Variants in MTUS2 observed in about 807,000 individuals in gnomAD.
The protein encoded by MTUS2 is microtubule-associated tumor suppressor candidate 2.
A neutral mutation model predicts 114.1 loss-of-function variants in MTUS2; 40 were observed. The observed-to-expected ratio is 0.35, with a 90% confidence interval of 0.27 to 0.46. The LOEUF (loss-of-function observed/expected upper bound fraction) is 0.46, where lower values mean the gene tolerates loss of function less well. MTUS2 is among the 20% of genes least tolerant of loss of function. The pLI, the probability that MTUS2 is intolerant of heterozygous loss-of-function variation, is 1.00. For missense variants in MTUS2, 1,679 were observed against 1,705.4 expected, an observed-to-expected ratio of 0.98 and a Z score of 0.27; for synonymous variants, 688 against 672.0, an observed-to-expected ratio of 1.02 and a Z score of -0.37.
intron 4 of MTUS2, among the ~76,000 whole-genome samples, chr13:29,045,094 T>A (rs531828093): frequency 6.6e-6 from 1 of 152,314 alleles, no homozygotes; most frequent in South Asian, 2.1e-4. Flanking sequence ...TTAATAAACT[T>A]ACTTTATTAG....
At chr13:29,491,528 G>A (rs576892824) in intron 11 of MTUS2, among the ~76,000 whole-genome samples, 9 of 135,192 alleles carry the variant, frequency 6.7e-5, no homozygotes, top group Non-Finnish European at 1.3e-4. Context: ...CATGATGTGT[G>A]TGGTATGTGT....
chr13:28,926,735 A>G lies in MTUS2; in HGVS notation c.-243+86885A>G, dbSNP rs1432818430. On this transcript the variant is annotated intron_variant, in intron 2 of 15. Transcript: ENST00000612955. ...AGAGTAGTTTATCAATCATCTTTTCATTATTAGAAAATTTTCCCATAAATC... is the reference window on the plus strand; with the variant it reads ...AGAGTAGTTTATCAATCATCTTTTCGTTATTAGAAAATTTTCCCATAAATC... Among the ~76,000 whole-genome samples, 4 of 152,306 alleles carry G rather than the reference A, an allele frequency of 2.6e-5. 1 individual carries two copies. In the South Asian group the frequency reaches 6.2e-4, roughly 24 times the overall value.
At chr13:29,410,977 A>T (rs1029043409) in intron 8 of MTUS2, among the ~76,000 whole-genome samples, 14 of 152,236 alleles carry the variant, frequency 9.2e-5, no homozygotes, top group Admixed American at 7.2e-4. Context: ...AGTTACAGGC[A>T]CATGCCACCA....
intron 5 of MTUS2, among the ~76,000 whole-genome samples, chr13:29,234,419 C>T (rs1286035893): frequency 6.6e-6 from 1 of 152,186 alleles, no homozygotes; most frequent in Non-Finnish European, 1.5e-5. Flanking sequence ...ACCTATCCAA[C>T]AGGTCATTCT....
At chr13:29,372,632 CTA>C (rs1197716898) in intron 8 of MTUS2, among the ~76,000 whole-genome samples, 2 of 152,296 alleles carry the variant, frequency 1.3e-5, no homozygotes, top group East Asian at 3.9e-4. Context: ...CCACAAGCTG[CTA>C]TGTTTCCCTC....
chr13:28,828,330 G>A (rs1234615127), intron 1 of MTUS2, among the ~76,000 whole-genome samples: 1 of 152,006 alleles, frequency 6.6e-6, no homozygotes, highest in Non-Finnish European at 1.5e-5. Context: ...ATTTCATATT[G>A]TTTAAACAAT....
chr13:29,389,627 G>GCA (rs1429219276), intron 8 of MTUS2, among the ~76,000 whole-genome samples: 1 of 41,576 alleles, frequency 2.4e-5, no homozygotes, highest in Non-Finnish European at 9.4e-5. Flanking sequence ...GTGTATATAT[G>GCA]TATACACATA....
rs1034514024 is a variant in MTUS2, at chr13:29,133,036, T to C, written c.2644+32066T>C. On this transcript the variant is annotated intron_variant, in intron 5 of 15. Transcript: ENST00000612955. ...ACAACACTTGTTATTTTGTGTTTTT[T>C]TTTTTCTTAATAGTAGCCATACTAA... Among the ~76,000 whole-genome samples the C allele has an allele frequency of 2.6e-5, 4 of 152,120 alleles. No individual in the cohort carries two copies. In the South Asian group the frequency reaches 8.3e-4, roughly 31 times the overall value.
intron 2 of MTUS2, among the ~76,000 whole-genome samples, chr13:28,846,460 A>G (rs546174973): frequency 2.0e-5 from 3 of 152,364 alleles, no homozygotes; most frequent in South Asian, 2.1e-4. Context: ...CAGTCCATCA[A>G]GTCAAAAGCT....
intron 2 of MTUS2, among the ~76,000 whole-genome samples, chr13:28,935,006 G>GTTTTTTTTTTTTTT (rs775863792): frequency 4.8e-5 from 2 of 41,448 alleles, no homozygotes; most frequent in African/African-American, 2.5e-4. Context: ...TCTCCATAGC[G>GTTTTTTTTTTTTTT]TTTTTTTTTT....
At chr13:29,258,923 C>A (rs984016233) in intron 5 of MTUS2, among the ~76,000 whole-genome samples, 14 of 152,188 alleles carry the variant, frequency 9.2e-5, no homozygotes, top group African/African-American at 2.9e-4. Flanking sequence ...TCTCAGAATT[C>A]TCTGCCCTTC....
intron 4 of MTUS2, among the ~76,000 whole-genome samples, chr13:29,085,196 T>C (rs1308309811): frequency 1.3e-5 from 2 of 152,216 alleles, no homozygotes; most frequent in African/African-American, 4.8e-5. Context: ...CAGAGGGTGA[T>C]ACCATGTTTC....
chr13:29,348,540 G>T (rs1381327827), intron 7 of MTUS2, among the ~76,000 whole-genome samples: 9 of 152,294 alleles, frequency 5.9e-5, no homozygotes, highest in Admixed American at 3.3e-4. Flanking sequence ...CTCTGCTGTT[G>T]TTATGTGGAA....
intron 9 of MTUS2, among the ~76,000 whole-genome samples, chr13:29,466,952 T>C (rs974303073): frequency 6.6e-6 from 1 of 151,966 alleles, no homozygotes; most frequent in Non-Finnish European, 1.5e-5. Context: ...GCTTTGCATT[T>C]GACAACCTAA....
chr13:28,858,968 G>A (rs1256074962), intron 2 of MTUS2, among the ~76,000 whole-genome samples: 1 of 152,178 alleles, frequency 6.6e-6, no homozygotes, highest in African/African-American at 2.4e-5. Flanking sequence ...GTGGGAAACG[G>A]TAAAGACAGC....
chr13:29,304,514 TAA>T, intron 6 of MTUS2, among the ~76,000 whole-genome samples: 1 of 152,002 alleles, frequency 6.6e-6, no homozygotes, highest in Non-Finnish European at 1.5e-5. Flanking sequence ...AAACAGACTA[TAA>T]ACCAACAAAG....
chr13:29,324,842 T>C (rs1900414035), intron 7 of MTUS2, 131 bp downstream of exon 7: 3 of 678,964 alleles, frequency 4.4e-6, no homozygotes, highest in South Asian at 3.8e-5. Context: ...GACATACATA[T>C]GCTGATGTTT....
chr13:29,397,139 A>G (rs1873966255), intron 8 of MTUS2, among the ~76,000 whole-genome samples: 1 of 152,116 alleles, frequency 6.6e-6, no homozygotes, highest in Admixed American at 6.5e-5. Flanking sequence ...ACAACTTACA[A>G]CTGACCCTCC....
intron 5 of MTUS2, among the ~76,000 whole-genome samples, chr13:29,202,253 T>C (rs1350374945): frequency 3.3e-5 from 5 of 152,220 alleles, no homozygotes; most frequent in African/African-American, 9.6e-5. Context: ...CTTCATTAAA[T>C]TGATCTTCAA....
Sources: allele counts gnomAD v4.1 joint callset (sites outside exome capture counted in the v4.1 genomes callset), GRCh38; gene constraint gnomAD v4.1.1; transcripts MANE v1.5; gene names NCBI Gene and HGNC (gene_info 2026-07-23, HGNC 2026-07-21).